SPARCL1: variants seen among roughly 807,000 people sequenced by gnomAD.
SPARCL1 encodes SPARC like 1, also known as SPARC-like protein 1.
Under a neutral mutation model 67.1 loss-of-function variants are expected in SPARCL1, and 52 were observed. That is an observed-to-expected ratio of 0.78 (90% CI 0.62 to 0.98). SPARCL1 has a LOEUF of 0.98. Ranked by LOEUF, SPARCL1 falls within the 50% of genes least tolerant of loss-of-function variation. The probability of loss-of-function intolerance (pLI) is 0.00; values close to 1 mark genes in which losing one functional copy is unlikely to be tolerated. For missense variants in SPARCL1, 717 were observed against 782.4 expected (o/e 0.92, Z 1.00); for synonymous variants, 226 against 267.8 (o/e 0.84, Z 1.52).
intron 1 of SPARCL1, among the ~76,000 whole-genome samples, chr4:87,515,058 G>A (rs1725525234): frequency 1.3e-5 from 2 of 152,286 alleles, no homozygotes; most frequent in African/African-American, 4.8e-5. Context: ...GCAAAAATGA[G>A]ACAAATTTTG....
At chr4:87,507,249 C>G (rs568178295) in intron 1 of SPARCL1, among the ~76,000 whole-genome samples, 1 of 152,130 alleles carries the variant, frequency 6.6e-6, no homozygotes, top group Admixed American at 6.6e-5. Flanking sequence ...AATTATCAAA[C>G]GTGTTTTGCA....
Position 87,499,933 on chromosome 4 carries a change from C to T in SPARCL1, c.-11-348G>A, listed in dbSNP as rs548325209. ...CATATGTCAAGGTTGAGTAAAAACACGCTGCCTGTTTAGTGGTAAAGAAAC... is the reference window on the plus strand; with the variant it reads ...CATATGTCAAGGTTGAGTAAAAACATGCTGCCTGTTTAGTGGTAAAGAAAC... On this transcript the variant is annotated intron_variant, in intron 1 of 10. Coordinates refer to ENST00000282470, the MANE Select transcript of SPARCL1 (RefSeq NM_004684.6). 2.0e-5 allele frequency among the ~76,000 whole-genome samples: 3 copies of T among 152,156 alleles called. No homozygotes were observed. The South Asian group carries it at 6.2e-4, about 32-fold the overall frequency.
At chr4:87,506,961 T>C (rs1051747596) in intron 1 of SPARCL1, among the ~76,000 whole-genome samples, 1 of 152,208 alleles carries the variant, frequency 6.6e-6, no homozygotes, top group Non-Finnish European at 1.5e-5. Context: ...TAGGAGATGC[T>C]CAATAAATTT....
Position 87,494,385 on chromosome 4 carries a change from C to A in SPARCL1, c.415G>T (p.Asp139Tyr), listed in dbSNP as rs140130359. ...PQEKKLSENT[D>Y]FLAPGVSSFT... is the part of the protein sequence containing the mutation. ...GAACTAACACCAGGAGCCAAAAAAT[C>A]AGTGTTCTCTGAGAGTTTTTTCTCC... Residue 139 changes from aspartate to tyrosine, a missense_variant, in exon 4 of 11, where the codon GAT (aspartate) becomes TAT (tyrosine). Asp to Tyr is a radical substitution (Grantham distance 160). Transcript: ENST00000282470. 6.2e-7 allele frequency: 1 copy of A among 1,614,140 alleles called. No individual in the cohort carries two copies. The highest frequency in any genetic ancestry group is 8.5e-7 in the Non-Finnish European group (1 of 1,180,024).
chr4:87,523,886 G>A (rs1279281287), intron 1 of SPARCL1, among the ~76,000 whole-genome samples: 2 of 152,062 alleles, frequency 1.3e-5, no homozygotes, highest in African/African-American at 4.8e-5. Flanking sequence ...TGTATTTGGG[G>A]GCACCTTATG....
intron 1 of SPARCL1, among the ~76,000 whole-genome samples, chr4:87,524,454 T>TTAGA (rs1214974149): frequency 6.6e-6 from 1 of 152,218 alleles, no homozygotes; most frequent in African/African-American, 2.4e-5. Flanking sequence ...CTTATATTTG[T>TTAGA]TTTATCTAAG....
Position 87,482,393 on chromosome 4 carries a change from C to T in SPARCL1, c.1668+31G>A, listed in dbSNP as rs370050737. On this transcript the variant is annotated intron_variant, in intron 8 of 10. Transcript: ENST00000282470. The stretch of plus-strand genomic sequence containing the variant: ...TTCTTCCTCATGCCCTGTAGACAGA[C>T]ATTGAAGAAGCTAACCTGTGGATAA... The T allele has an allele frequency of 3.1e-6, 5 of 1,608,068 alleles. No individual in the cohort carries two copies. The African/African-American group carries it at 5.3e-5, about 17-fold the overall frequency.
chr4:87,475,414 C>A (rs1723546453), intron 10 of SPARCL1, among the ~76,000 whole-genome samples: 1 of 152,198 alleles, frequency 6.6e-6, no homozygotes, highest in South Asian at 2.1e-4. Flanking sequence ...ATTCTCCTTA[C>A]TGAATTCTTT....
intron 1 of SPARCL1, chr4:87,528,410 T>C (rs1726139741): frequency 6.6e-6 from 1 of 152,176 alleles, no homozygotes; most frequent in Non-Finnish European, 1.5e-5. Context: ...TTTAGGTCTA[T>C]GTGTGAGCAT....
In SPARCL1 at chr4:87,498,986, TGCCTCA is replaced by T. The variant is rs796490725; in HGVS notation, c.54+529_54+534del. Among the ~76,000 whole-genome samples, 8 of 152,096 alleles carry T rather than the reference TGCCTCA, an allele frequency of 5.3e-5. No homozygotes were observed. The South Asian group carries it at 6.2e-4, about 12-fold the overall frequency. On this transcript the variant is annotated intron_variant, in intron 2 of 10. Transcript: ENST00000282470. Reference sequence around the variant, plus strand: ...CCTCCTGGGTTCAATTGATTCTCCTTGCCTCAGCCTCCCGAGTAGCTGGGATTACAG... The same window carrying T: ...CCTCCTGGGTTCAATTGATTCTCCTTGCCTCCCGAGTAGCTGGGATTACAG...
intron 1 of SPARCL1, among the ~76,000 whole-genome samples, chr4:87,517,610 G>A (rs1485155368): frequency 6.6e-6 from 1 of 151,894 alleles, no homozygotes; most frequent in African/African-American, 2.4e-5. Context: ...CTAGTTCTTG[G>A]CTTTATCCTC....
intron 7 of SPARCL1, among the ~76,000 whole-genome samples, chr4:87,486,468 T>C (rs553097047): frequency 1.3e-5 from 2 of 151,994 alleles, no homozygotes; most frequent in Non-Finnish European, 2.9e-5. Flanking sequence ...TGCTGAGGAG[T>C]TTTTACTTTC....
rs937958434 is a variant in SPARCL1, at chr4:87,529,318, G to C, written c.-285C>G. 3 of 152,164 alleles carry C rather than the reference G, an allele frequency of 2.0e-5. No individual in the cohort carries two copies. The highest frequency in any genetic ancestry group is 2.0e-4 in the Admixed American group (3 of 15,260). 9.4% of individuals were successfully genotyped at this position (152,164 alleles called of 1,614,324 possible). On this transcript the variant is annotated 5_prime_UTR_variant, in exon 1 of 11. The change creates a new upstream start codon in the 5' untranslated region. Transcript: ENST00000282470. ...TCAGACTGTCATCGTTTTTGTTGCAGATTCCTGGATTTCCCTAGCAGGCTG... is the reference window on the plus strand; with the variant it reads ...TCAGACTGTCATCGTTTTTGTTGCACATTCCTGGATTTCCCTAGCAGGCTG...
Position 87,491,695 on chromosome 4 carries a change from A to G in SPARCL1, c.1219-5T>C. 1 of 1,607,740 alleles carries G rather than the reference A, an allele frequency of 6.2e-7. No homozygotes were observed. Among genetic ancestry groups the G allele is most frequent in the East Asian group, 2.2e-5 (1 of 44,848 alleles). On this transcript the variant is annotated splice_region_variant and splice_polypyrimidine_tract_variant and intron_variant, in intron 4 of 10. Coordinates refer to ENST00000282470, the MANE Select transcript of SPARCL1 (RefSeq NM_004684.6). ...TGAGTTCTCTGCTTTCTTGGCCTTTAGAATAACAAGAGCAAAAGTTAAAAT... is the reference window on the plus strand; with the variant it reads ...TGAGTTCTCTGCTTTCTTGGCCTTTGGAATAACAAGAGCAAAAGTTAAAAT...
At chr4:87,478,716 G>A (rs1048894031) in intron 10 of SPARCL1, among the ~76,000 whole-genome samples, 1 of 152,144 alleles carries the variant, frequency 6.6e-6, no homozygotes, top group African/African-American at 2.4e-5. Context: ...GGGATTACAG[G>A]CATGAGCCAC....
At chr4:87,498,726 A>G (rs1284305440) in intron 2 of SPARCL1, among the ~76,000 whole-genome samples, 1 of 152,170 alleles carries the variant, frequency 6.6e-6, no homozygotes, top group African/African-American at 2.4e-5. Flanking sequence ...CAGCCTCCCA[A>G]GGGTGAATTA....
At chr4:87,491,526 G>T (rs1262287498) in intron 5 of SPARCL1, 92 bp downstream of exon 5, 2 of 963,042 alleles carry the variant, frequency 2.1e-6, no homozygotes, top group African/African-American at 3.2e-5. Flanking sequence ...ATTCTGTGCA[G>T]CATTCACAAA....
chr4:87,481,831 A>G (rs777638845), intron 8 of SPARCL1, among the ~76,000 whole-genome samples: 10 of 152,334 alleles, frequency 6.6e-5, no homozygotes, highest in Non-Finnish European at 1.5e-4. Flanking sequence ...ACACATATAT[A>G]CTTATTTGTT....
rs78061382 is a variant in SPARCL1 at position 87,478,305 on chromosome 4, A to G, written c.1966+1125T>C. On this transcript the variant is annotated intron_variant, in intron 10 of 10. Coordinates refer to ENST00000282470, the MANE Select transcript of SPARCL1 (RefSeq NM_004684.6). The stretch of plus-strand genomic sequence containing the variant: ...TATCATGTAAAACATGACCTTTTAA[A>G]ATATATATACCTTGTGGAATGGTTA... 8.4e-3 allele frequency among the ~76,000 whole-genome samples: 1,281 copies of G among 152,288 alleles called. 16 individuals carry two copies. The highest frequency in any genetic ancestry group is 0.029 in the African/African-American group (1,213 of 41,542).
Sources: allele counts gnomAD v4.1 joint callset (sites outside exome capture counted in the v4.1 genomes callset), GRCh38; gene constraint gnomAD v4.1.1; transcripts MANE v1.5; gene names NCBI Gene and HGNC (gene_info 2026-07-23, HGNC 2026-07-21).